Variants in RUNDC3B observed in about 807,000 individuals in gnomAD.
RUNDC3B encodes RUN domain-containing protein 3B.
RUNDC3B carries 33 observed loss-of-function variants against 58.4 expected under a neutral mutation model. That is an observed-to-expected ratio of 0.56 (90% confidence interval 0.43 to 0.75). The LOEUF (loss-of-function observed/expected upper bound fraction) is 0.75, where lower values mean the gene tolerates loss of function less well. Ranked by LOEUF, RUNDC3B falls within the 30% of genes least tolerant of loss-of-function variation. The pLI is 0.00. For synonymous variants in RUNDC3B, 193 were observed against 195.2 expected, an observed-to-expected ratio of 0.99 and a Z score of 0.10; for missense variants, 501 against 535.7, an observed-to-expected ratio of 0.94 and a Z score of 0.64.
chr7:87,805,285 T>C (rs1836377992), intron 8 of RUNDC3B, among the ~76,000 whole-genome samples: 1 of 152,216 alleles, frequency 6.6e-6, no homozygotes, highest in African/African-American at 2.4e-5. Context: ...GCCTGTCCCA[T>C]AGTGTACTTG....
chr7:87,802,883 A>T (rs1021955909), intron 8 of RUNDC3B, among the ~76,000 whole-genome samples: 1 of 152,010 alleles, frequency 6.6e-6, no homozygotes, highest in African/African-American at 2.4e-5. Context: ...CTATTGGGAG[A>T]TGGAGGTGGG....
chr7:87,703,889 TTTTTTTTTTTTTTTTTTTTTTTTGG>T (rs1361610764), intron 3 of RUNDC3B, among the ~76,000 whole-genome samples: 5 of 104,702 alleles, frequency 4.8e-5, no homozygotes, highest in Non-Finnish European at 7.7e-5. Context: ...TTTTTTCTTT[TTTTTTTTTTTTTTTTTTTTTTTTGG>T]TTTTTTTTTT....
intron 4 of RUNDC3B, among the ~76,000 whole-genome samples, chr7:87,716,640 A>T (rs1830570704): frequency 6.6e-6 from 1 of 152,196 alleles, no homozygotes; most frequent in Non-Finnish European, 1.5e-5. Flanking sequence ...CAAGAAACTA[A>T]GTTTCTAACA....
chr7:87,685,058 G>A (rs1827321502), intron 2 of RUNDC3B, among the ~76,000 whole-genome samples: 1 of 151,872 alleles, frequency 6.6e-6, no homozygotes, highest in Non-Finnish European at 1.5e-5. Context: ...AACAACAAAA[G>A]TACAATCCAT....
At chr7:87,807,640 G>A in intron 9 of RUNDC3B, 121 bp downstream of exon 9, 1 of 716,234 alleles carries the variant, frequency 1.4e-6, no homozygotes, top group Non-Finnish European at 2.4e-6. Context: ...GCAAAGACAA[G>A]ATTTCGGACT....
chr7:87,628,785 G>C lies in RUNDC3B; in HGVS notation c.-39G>C, dbSNP rs897917650. ...TTAAGCAGGTGTGGGGGGCGTGCGG[G>C]GTGGCACGAGACAAAAGGGGCACGG... On this transcript the variant is annotated 5_prime_UTR_variant, in exon 1 of 11. Transcript: ENST00000394654. 6.8e-6 allele frequency: 8 copies of C among 1,169,250 alleles called. No homozygotes were observed. Among genetic ancestry groups the C allele is most frequent in the Non-Finnish European group, 8.7e-6 (8 of 917,604 alleles). 72.4% of individuals were successfully genotyped at this position (1,169,250 alleles called of 1,614,324 possible). A position where few individuals can be genotyped will look rare whatever the true frequency, so the allele number is the denominator to read the frequency against.
chr7:87,652,409 C>T lies in RUNDC3B; in HGVS notation c.238+1472C>T, dbSNP rs1299275988. Among the ~76,000 whole-genome samples, 3 of 151,770 alleles carry T rather than the reference C, an allele frequency of 2.0e-5. No individual in the cohort carries two copies. The East Asian group carries it at 5.8e-4, about 29-fold the overall frequency. On this transcript the variant is annotated intron_variant, in intron 2 of 10. Coordinates refer to ENST00000394654, the MANE Select transcript of RUNDC3B (RefSeq NM_001134405.2). ...TGCTTCAGCAAAATATAGATCACAC[C>T]CCTTCAGAATTATTTCTAAACAATC...
intron 3 of RUNDC3B, among the ~76,000 whole-genome samples, chr7:87,706,723 T>C (rs1051819265): frequency 6.6e-6 from 1 of 152,166 alleles, no homozygotes; most frequent in Non-Finnish European, 1.5e-5. Flanking sequence ...TTTTATTTCC[T>C]TGGGCAGACA....
chr7:87,770,131 A>T (rs1004767593), intron 6 of RUNDC3B, among the ~76,000 whole-genome samples: 6 of 151,962 alleles, frequency 3.9e-5, no homozygotes, highest in Admixed American at 3.9e-4. Flanking sequence ...ATCTTGACAC[A>T]CTACCCTGTA....
At chr7:87,744,244 G>A (rs1394733176) in intron 6 of RUNDC3B, among the ~76,000 whole-genome samples, 1 of 152,100 alleles carries the variant, frequency 6.6e-6, no homozygotes, top group African/African-American at 2.4e-5. Flanking sequence ...ATCAGATAGG[G>A]TGATGTCTCC....
intron 6 of RUNDC3B, among the ~76,000 whole-genome samples, chr7:87,743,992 G>C (rs1395510950): frequency 6.6e-6 from 1 of 152,164 alleles, no homozygotes; most frequent in Non-Finnish European, 1.5e-5. Context: ...TTTTGTATAA[G>C]GTGAGAGATG....
At chr7:87,731,523 C>A (rs1831576499) in intron 4 of RUNDC3B, among the ~76,000 whole-genome samples, 1 of 151,996 alleles carries the variant, frequency 6.6e-6, no homozygotes. Context: ...CTACAAGAAA[C>A]ATATTTCAGC....
intron 4 of RUNDC3B, among the ~76,000 whole-genome samples, chr7:87,733,722 TA>T (rs1831742415): frequency 1.3e-5 from 2 of 152,254 alleles, no homozygotes; most frequent in Admixed American, 1.3e-4. Context: ...CCTAGATCTT[TA>T]ACATGTGCAG....
In RUNDC3B at chr7:87,710,621, A is replaced by AT; in HGVS notation, c.425dup (p.Ser143LeufsTer15). 6.2e-7 allele frequency: 1 copy of AT among 1,602,988 alleles called. No homozygotes were observed. The highest frequency in any genetic ancestry group is 8.5e-7 in the Non-Finnish European group (1 of 1,172,926). On this transcript the variant is annotated frameshift_variant, in exon 4 of 11. Coordinates refer to ENST00000394654, the MANE Select transcript of RUNDC3B (RefSeq NM_001134405.2). LOFTEE classifies it high-confidence loss of function. ...CATGGAAAAACATTTATCTGAATAC[A>AT]TCTCTACAGCTCTGAGAGACTTCAA...
At chr7:87,661,286 AT>A (rs1196584841) in intron 2 of RUNDC3B, among the ~76,000 whole-genome samples, 1 of 151,774 alleles carries the variant, frequency 6.6e-6, no homozygotes, top group African/African-American at 2.4e-5. Flanking sequence ...TCTTTTAGTT[AT>A]TTTTAAATAT....
In RUNDC3B at chr7:87,770,673, T is replaced by C. The variant is rs1234156381; in HGVS notation, c.722T>C (p.Phe241Ser). The stretch of plus-strand genomic sequence containing the variant: ...ACTCCAGAGAATGTCGGACCTCCTT[T>C]CCTCATGGATGAGAACAGTTGGTTC... ...SSTPENVGPP[F>S]LMDENSWFNK... The change falls in exon 7 of 11, where the codon TTC (phenylalanine) becomes TCC (serine). Residue 241 changes from phenylalanine to serine, a missense_variant. Phe to Ser is a radical substitution (Grantham distance 155). Coordinates refer to ENST00000394654, the MANE Select transcript of RUNDC3B (RefSeq NM_001134405.2). 6.2e-7 allele frequency: 1 copy of C among 1,613,782 alleles called. No individual in the cohort carries two copies. The highest frequency in any genetic ancestry group is 8.5e-7 in the Non-Finnish European group (1 of 1,179,698).
chr7:87,801,216 A>G (rs1465080634), intron 8 of RUNDC3B, among the ~76,000 whole-genome samples: 1 of 152,168 alleles, frequency 6.6e-6, no homozygotes, highest in East Asian at 1.9e-4. Context: ...CATCACTAAG[A>G]AGTTGATATT....
At chr7:87,801,257 G>C (rs1172166056) in intron 8 of RUNDC3B, among the ~76,000 whole-genome samples, 1 of 152,134 alleles carries the variant, frequency 6.6e-6, no homozygotes, top group Admixed American at 6.5e-5. Context: ...TTCCCCACGT[G>C]ACCAAGGAAT....
At position 87,650,901 on chromosome 7, in the gene RUNDC3B, G is replaced by T; in HGVS notation, c.202G>T (p.Ala68Ser). Residue 68 changes from alanine to serine, a missense_variant, in exon 2 of 11, where the codon GCT (alanine) becomes TCT (serine). Physicochemically the swap from Ala to Ser is moderately conservative, Grantham distance 99. Transcript: ENST00000394654. Reference sequence around the variant, plus strand: ...TTCTCCTGAATTTAACAATTTTGCAGCTATTTTGGAACAGATTTTAAGCCA... The same window carrying T: ...TTCTCCTGAATTTAACAATTTTGCATCTATTTTGGAACAGATTTTAAGCCA... Reference protein sequence around the residue: ...DSSPEFNNFAAILEQILSHRL... With the variant: ...DSSPEFNNFASILEQILSHRL... The T allele has an allele frequency of 6.2e-7, 1 of 1,612,616 alleles. No individual in the cohort carries two copies.
Sources: gnomAD v4.1 joint callset for allele counts (sites outside exome capture counted in the v4.1 genomes callset) on GRCh38, gnomAD v4.1.1 for gene constraint, MANE v1.5 for transcripts, NCBI Gene and HGNC (gene_info 2026-07-23, HGNC 2026-07-21) for gene names.